Variants in AFF4 observed in about 807,000 individuals in gnomAD.
The protein encoded by AFF4 is ALF transcription elongation factor 4, also known as AF4/FMR2 family member 4.
In AFF4, 13 loss-of-function variants were observed where a neutral mutation model predicts 124.8. The observed-to-expected ratio is 0.10, with a 90% CI of 0.07 to 0.17. The LOEUF is 0.17. AFF4 is among the 10% of genes least tolerant of loss of function. The probability of loss-of-function intolerance (pLI) is 1.00; values close to 1 mark genes in which losing one functional copy is unlikely to be tolerated. For synonymous variants in AFF4, 477 were observed against 496.1 expected, an observed-to-expected ratio of 0.96 and a Z score of 0.51; for missense variants, 1,092 against 1,403.8, an observed-to-expected ratio of 0.78 and a Z score of 3.55.
chr5:132,942,557 C>T (rs146130929), intron 1 of AFF4, among the ~76,000 whole-genome samples: 1,787 of 151,792 alleles, frequency 0.012, 23 homozygotes, highest in African/African-American at 0.037. Flanking sequence ...CTTCGCCTGC[C>T]GGATTCAAGT....
intron 1 of AFF4, among the ~76,000 whole-genome samples, chr5:132,950,263 G>C (rs747520726): frequency 2.0e-5 from 3 of 152,052 alleles, no homozygotes; most frequent in Non-Finnish European, 4.4e-5. Context: ...ATCACCTGAG[G>C]TTGGGAGTTC....
intron 7 of AFF4, chr5:132,901,038 T>A (rs1760538237): frequency 1.0e-6 from 1 of 985,298 alleles, no homozygotes; most frequent in African/African-American, 1.7e-5. Flanking sequence ...AGTAACCAGA[T>A]GATTTTTAAG....
chr5:132,928,168 A>G (rs1026410794), intron 4 of AFF4, among the ~76,000 whole-genome samples: 3 of 152,266 alleles, frequency 2.0e-5, no homozygotes, highest in African/African-American at 7.2e-5. Flanking sequence ...TAGGTAGTCA[A>G]TGTGAAAGTT....
chr5:132,934,234 G>C lies in AFF4; in HGVS notation c.831C>G (p.Ser277Arg), dbSNP rs748949457. ...CAGTCATGCTGTTGCCATGGGATTG[G>C]CTGCTGTAGTGCTCAGAGGACAGCT... ...EPKLSSEHYS[S>R]QSHGNSMTEL... Residue 277 changes from serine (S) to arginine (R), a missense_variant, in exon 3 of 21, where the codon AGC (serine) becomes AGG (arginine). Physicochemically the swap from Ser to Arg is moderately radical, Grantham distance 110. Transcript: ENST00000265343. 8 of 1,614,142 alleles carry C rather than the reference G, an allele frequency of 5.0e-6. No homozygotes were observed. Among genetic ancestry groups the C allele is most frequent in the Non-Finnish European group, 6.8e-6 (8 of 1,180,028 alleles).
chr5:132,888,243 T>G (rs1760166171), intron 14 of AFF4, 83 bp from the exon 15 acceptor site: 2 of 1,014,558 alleles, frequency 2.0e-6, no homozygotes, highest in Admixed American at 5.1e-5. Flanking sequence ...ATCCCTCAGT[T>G]TTTATGTCCT....
At chr5:132,894,401 C>A (rs1760337028) in intron 11 of AFF4, among the ~76,000 whole-genome samples, 2 of 152,162 alleles carry the variant, frequency 1.3e-5, no homozygotes, top group South Asian at 2.1e-4. Flanking sequence ...ATGGAAAACA[C>A]AAGTGGTGGG....
chr5:132,891,009 TTAA>T (rs1760241683), intron 13 of AFF4, among the ~76,000 whole-genome samples: 1 of 151,204 alleles, frequency 6.6e-6, no homozygotes, highest in Non-Finnish European at 1.5e-5. Context: ...AATAAATTAA[TTAA>T]TAAATTAATT....
chr5:132,899,535 T>C, intron 8 of AFF4, 52 bp downstream of exon 8: 10 of 1,417,114 alleles, frequency 7.1e-6, no homozygotes, highest in Non-Finnish European at 8.6e-6. Flanking sequence ...TTTTATAAAA[T>C]ACAATGAAAA....
At chr5:132,902,288 TCTGCCTGC>T (rs1391126660) in intron 7 of AFF4, among the ~76,000 whole-genome samples, 146 bp downstream of exon 7, 4 of 152,212 alleles carry the variant, frequency 2.6e-5, no homozygotes, top group Non-Finnish European at 5.9e-5. Flanking sequence ...CCTCACGTGA[TCTGCCTGC>T]CTTGGCCTCC....
intron 1 of AFF4, among the ~76,000 whole-genome samples, chr5:132,950,246 C>T (rs1220090283): frequency 6.6e-6 from 1 of 152,122 alleles, no homozygotes; most frequent in Non-Finnish European, 1.5e-5. Flanking sequence ...GAGGCCGAGG[C>T]AGACAGATCA....
At chr5:132,931,539 A>AG (rs1761300457) in intron 4 of AFF4, among the ~76,000 whole-genome samples, 2 of 152,264 alleles carry the variant, frequency 1.3e-5, no homozygotes, top group African/African-American at 4.8e-5. Flanking sequence ...TTTGACTGAT[A>AG]ACTACTGAGT....
At chr5:132,930,695 TTTCTC>T (rs1761278407) in intron 4 of AFF4, among the ~76,000 whole-genome samples, 1 of 152,134 alleles carries the variant, frequency 6.6e-6, no homozygotes. Context: ...GACTGACAGT[TTTCTC>T]TACTAAGCAA....
intron 1 of AFF4, among the ~76,000 whole-genome samples, chr5:132,942,422 T>A (rs1281804536): frequency 6.6e-6 from 1 of 151,986 alleles, no homozygotes; most frequent in Non-Finnish European, 1.5e-5. Context: ...TGTTCTAGGT[T>A]ACCTTTCTGG....
rs990692440 is a variant in AFF4 at position 132,895,774 on chromosome 5, T to C, written c.2307+549A>G. On this transcript the variant is annotated intron_variant, in intron 11 of 20. Transcript: ENST00000265343. ...GTCTAAGAAAAGCAGACCTTAAATA[T>C]ACAAATTTTGCCTCTATATCCAAAA... Among the ~76,000 whole-genome samples, 6 of 152,326 alleles carry C rather than the reference T, an allele frequency of 3.9e-5. No homozygotes were observed. The South Asian group carries it at 8.3e-4, about 21-fold the overall frequency.
In AFF4 at chr5:132,904,459, T is replaced by C. The variant is rs12517073; in HGVS notation, c.1051-55A>G. On this transcript the variant is annotated intron_variant, in intron 5 of 20. Coordinates refer to ENST00000265343, the MANE Select transcript of AFF4 (RefSeq NM_014423.4). ...AGTTACACTAAAAAAGAAAGATTAG[T>C]GAAAAATGCTTAAATTACATAAAAA... The C allele has an allele frequency of 0.15, 221,206 of 1,434,232 alleles. 18,106 individuals carry two copies. The highest frequency in any genetic ancestry group is 0.19 in the South Asian group (15,958 of 82,292). 88.8% of individuals were successfully genotyped at this position (1,434,232 alleles called of 1,614,324 possible).
intron 13 of AFF4, among the ~76,000 whole-genome samples, chr5:132,889,621 A>G (rs924883221): frequency 3.3e-5 from 5 of 152,238 alleles, no homozygotes; most frequent in African/African-American, 9.6e-5. Flanking sequence ...TAACAAACCT[A>G]TGAAATAAGT....
intron 11 of AFF4, among the ~76,000 whole-genome samples, chr5:132,895,765 C>G (rs959319333): frequency 2.0e-5 from 3 of 152,144 alleles, no homozygotes; most frequent in Non-Finnish European, 4.4e-5. Flanking sequence ...GAAAAGCAGA[C>G]CTTAAATATA....
At chr5:132,958,282 GCGAA>G in intron 1 of AFF4, among the ~76,000 whole-genome samples, 1 of 151,792 alleles carries the variant, frequency 6.6e-6, no homozygotes, top group Non-Finnish European at 1.5e-5. Context: ...GGACAACAGG[GCGAA>G]ACCCCATTTC....
Position 132,927,945 on chromosome 5 carries a change from G to A in AFF4, c.964-738C>T, listed in dbSNP as rs532014691. 2.4e-4 allele frequency among the ~76,000 whole-genome samples: 37 copies of A among 152,284 alleles called. No individual in the cohort carries two copies. The South Asian group carries it at 7.5e-3, about 31-fold the overall frequency. ...GTGAGGTCTGGTAAGATTACAATGT[G>A]TATGTTAGATAAGCCAAGGAGACAG... On this transcript the variant is annotated intron_variant, in intron 4 of 20. Transcript: ENST00000265343.
Sources: allele counts gnomAD v4.1 joint callset (sites outside exome capture counted in the v4.1 genomes callset), GRCh38; gene constraint gnomAD v4.1.1; transcripts MANE v1.5; gene names NCBI Gene and HGNC (gene_info 2026-07-23, HGNC 2026-07-21).